Variants in ANKS1B observed in about 807,000 individuals in gnomAD.
ANKS1B encodes the protein ankyrin repeat and sterile alpha motif domain-containing protein 1B.
In ANKS1B, 36 loss-of-function variants were observed where a neutral mutation model predicts 148.3. The observed-to-expected ratio is 0.24, with a 90% CI of 0.19 to 0.32. ANKS1B has a LOEUF of 0.32. Ranked by LOEUF, ANKS1B falls within the 10% of genes least tolerant of loss-of-function variation. The probability of loss-of-function intolerance (pLI) is 1.00; values close to 1 mark genes in which losing one functional copy is unlikely to be tolerated. For synonymous variants in ANKS1B, 542 were observed against 560.8 expected (o/e 0.97, Z 0.47); for missense variants, 1,157 against 1,542.6 (o/e 0.75, Z 4.19).
chr12:99,509,136 T>A (rs545844030), intron 9 of ANKS1B, among the ~76,000 whole-genome samples: 37 of 151,976 alleles, frequency 2.4e-4, no homozygotes, highest in African/African-American at 8.7e-4. Context: ...GTGTTCTGAC[T>A]GCTCCACCGA....
intron 1 of ANKS1B, among the ~76,000 whole-genome samples, chr12:99,883,002 A>G (rs972735154): frequency 2.0e-5 from 3 of 152,222 alleles, no homozygotes; most frequent in Non-Finnish European, 4.4e-5. Context: ...ACTTCTCTAC[A>G]AGAATGACTA....
chr12:99,179,871 T>G (rs2372717), intron 14 of ANKS1B, among the ~76,000 whole-genome samples: 11,818 of 152,264 alleles, frequency 0.078, 1,057 homozygotes, highest in African/African-American at 0.22. Flanking sequence ...TTATTTATTA[T>G]TAGTATCATC....
chr12:99,703,396 TTAAC>T (rs769014956), intron 8 of ANKS1B, among the ~76,000 whole-genome samples: 4 of 152,160 alleles, frequency 2.6e-5, no homozygotes, highest in Non-Finnish European at 5.9e-5. Context: ...AGAAACTGAA[TTAAC>T]TAACTGGCAT....
intron 14 of ANKS1B, among the ~76,000 whole-genome samples, chr12:99,203,357 A>G (rs994392158): frequency 2.0e-5 from 3 of 151,982 alleles, no homozygotes; most frequent in Admixed American, 6.6e-5. Flanking sequence ...TCTGACATCT[A>G]TTGAAGTCTT....
At chr12:99,009,036 C>T (rs910297850) in intron 17 of ANKS1B, among the ~76,000 whole-genome samples, 3 of 152,196 alleles carry the variant, frequency 2.0e-5, no homozygotes, top group African/African-American at 7.2e-5. Flanking sequence ...TCATGGTCTA[C>T]ACTTGGCAAG....
intron 14 of ANKS1B, among the ~76,000 whole-genome samples, chr12:99,183,227 G>A (rs1323051571): frequency 6.6e-5 from 10 of 152,180 alleles, no homozygotes; most frequent in Non-Finnish European, 1.5e-4. Flanking sequence ...GGATGATCTA[G>A]ATATCACAAG....
At position 99,469,890 on chromosome 12, in the gene ANKS1B, T is replaced by C. The variant is rs112874097; in HGVS notation, c.1439-26081A>G. Among the ~76,000 whole-genome samples the C allele has an allele frequency of 8.2e-3, 1,251 of 151,884 alleles. 22 individuals are homozygous for C. Among genetic ancestry groups the C allele is most frequent in the African/African-American group, 0.028 (1,145 of 41,382 alleles). On this transcript the variant is annotated intron_variant, in intron 10 of 26. Transcript: ENST00000683438. ...ATCAAAGCATTTTGGGAGACTGAGG[T>C]AGGAGGATTGCTTGAGGCCAGGAGT...
chr12:98,948,543 T>A (rs183325130), intron 17 of ANKS1B, among the ~76,000 whole-genome samples: 126 of 152,282 alleles, frequency 8.3e-4, no homozygotes, highest in South Asian at 1.7e-3. Flanking sequence ...AGAGATAGGA[T>A]CTTTTAAGTC....
At chr12:99,906,117 C>T (rs2093770821) in intron 1 of ANKS1B, among the ~76,000 whole-genome samples, 1 of 152,180 alleles carries the variant, frequency 6.6e-6, no homozygotes, top group Non-Finnish European at 1.5e-5. Context: ...TATGGGTGTT[C>T]TGGCCACACT....
At chr12:99,044,594 A>C (rs186061169) in intron 17 of ANKS1B, among the ~76,000 whole-genome samples, 74 of 152,302 alleles carry the variant, frequency 4.9e-4, no homozygotes, top group African/African-American at 1.8e-3. Flanking sequence ...CATATCAAGC[A>C]GGGCTATCTA....
intron 9 of ANKS1B, among the ~76,000 whole-genome samples, chr12:99,595,131 A>T (rs1177685895): frequency 1.3e-5 from 2 of 152,008 alleles, no homozygotes; most frequent in Non-Finnish European, 2.9e-5. Flanking sequence ...TTGTATAGTC[A>T]TATAAGAATT....
At chr12:99,505,420 T>C (rs961336312) in intron 9 of ANKS1B, among the ~76,000 whole-genome samples, 2 of 151,950 alleles carry the variant, frequency 1.3e-5, no homozygotes, top group Non-Finnish European at 2.9e-5. Flanking sequence ...TCCTTGTAAA[T>C]ACCATTAACT....
At chr12:98,955,658 T>C (rs1220707008) in intron 17 of ANKS1B, among the ~76,000 whole-genome samples, 1 of 152,138 alleles carries the variant, frequency 6.6e-6, no homozygotes, top group Non-Finnish European at 1.5e-5. Flanking sequence ...AGATTGAATT[T>C]GGCATATGAG....
intron 17 of ANKS1B, among the ~76,000 whole-genome samples, chr12:98,847,307 T>C (rs115671311): frequency 1.3e-5 from 2 of 152,216 alleles, no homozygotes; most frequent in African/African-American, 4.8e-5. Context: ...TTCTACTGCC[T>C]GCTTTTACGG....
intron 8 of ANKS1B, among the ~76,000 whole-genome samples, chr12:99,758,331 G>A (rs1360280003): frequency 6.6e-6 from 1 of 151,892 alleles, no homozygotes; most frequent in African/African-American, 2.4e-5. Context: ...GACAAAATGG[G>A]AAGGTTAGCT....
At chr12:98,858,736 C>A (rs1050701056) in intron 17 of ANKS1B, among the ~76,000 whole-genome samples, 1 of 152,114 alleles carries the variant, frequency 6.6e-6, no homozygotes, top group African/African-American at 2.4e-5. Context: ...ACCCTCACTC[C>A]ATGGGCAATA....
intron 1 of ANKS1B, among the ~76,000 whole-genome samples, chr12:99,842,516 A>T (rs1236737325): frequency 6.6e-6 from 1 of 152,092 alleles, no homozygotes; most frequent in Non-Finnish European, 1.5e-5. Context: ...ATCTTATCAG[A>T]TTCCTCATCC....
At chr12:99,894,254 G>A (rs901388108) in intron 1 of ANKS1B, among the ~76,000 whole-genome samples, 4 of 113,780 alleles carry the variant, frequency 3.5e-5, no homozygotes, top group African/African-American at 1.4e-4. Context: ...CCCCCATCTC[G>A]AAAGAAAGAA....
intron 17 of ANKS1B, among the ~76,000 whole-genome samples, chr12:98,842,229 T>C (rs2099410824): frequency 6.6e-6 from 1 of 152,178 alleles, no homozygotes; most frequent in African/African-American, 2.4e-5. Context: ...TGCAACAAAA[T>C]ACTGCCTAAT....
Sources: gnomAD v4.1 joint callset for allele counts (sites outside exome capture counted in the v4.1 genomes callset) on GRCh38, gnomAD v4.1.1 for gene constraint, MANE v1.5 for transcripts, NCBI Gene and HGNC (gene_info 2026-07-23, HGNC 2026-07-21) for gene names.